Variants in COPG2 observed in about 807,000 individuals in gnomAD.
COPG2 encodes coat protein complex I subunit gamma 2.
Under a neutral mutation model 46.3 loss-of-function variants are expected in COPG2, and 37 were observed. The observed-to-expected ratio is 0.80, with a 90% CI of 0.61 to 1.05. The LOEUF is 1.05. COPG2 is among the 50% of genes least tolerant of loss of function. The pLI, the probability that COPG2 is intolerant of heterozygous loss-of-function variation, is 0.00. For missense variants in COPG2, 427 were observed against 387.8 expected, an observed-to-expected ratio of 1.10 and a Z score of -0.85; for synonymous variants, 159 against 129.7, an observed-to-expected ratio of 1.23 and a Z score of -1.53.
At chr7:130,551,170 T>G (rs1793530578) in intron 16 of COPG2, 71 bp downstream of exon 16, 2 of 397,416 alleles carry the variant, frequency 5.0e-6, no homozygotes, top group East Asian at 7.1e-5. Flanking sequence ...TTAGCTCATA[T>G]GCAAATCATA....
chr7:130,640,944 T>C (rs1438046202), intron 5 of COPG2, among the ~76,000 whole-genome samples: 1 of 152,030 alleles, frequency 6.6e-6, no homozygotes, highest in Non-Finnish European at 1.5e-5. Flanking sequence ...TGTTTCTTTC[T>C]CTCAAAGAAT....
chr7:130,585,500 G>A (rs1794248220), intron 9 of COPG2, among the ~76,000 whole-genome samples: 1 of 152,004 alleles, frequency 6.6e-6, no homozygotes, highest in South Asian at 2.1e-4. Flanking sequence ...CTTTTGCACG[G>A]CAAAAGGAAC....
intron 9 of COPG2, among the ~76,000 whole-genome samples, chr7:130,591,514 G>T (rs1440905936): frequency 9.5e-6 from 1 of 104,866 alleles, no homozygotes; most frequent in Non-Finnish European, 2.0e-5. Flanking sequence ...CCCCATCCGG[G>T]AGGTGAGGGG....
chr7:130,569,064 G>C (rs1409791809), intron 9 of COPG2, among the ~76,000 whole-genome samples: 1 of 152,060 alleles, frequency 6.6e-6, no homozygotes, highest in Non-Finnish European at 1.5e-5. Flanking sequence ...GGTGCTAAGA[G>C]GAAAGTTCAT....
chr7:130,583,762 G>A (rs560922586), intron 9 of COPG2, among the ~76,000 whole-genome samples: 148 of 127,478 alleles, frequency 1.2e-3, no homozygotes, highest in African/African-American at 3.9e-3. Context: ...AGCCAAGATC[G>A]CGCCACTGCA....
At chr7:130,531,784 A>G (rs894188199) in intron 20 of COPG2, among the ~76,000 whole-genome samples, 1 of 120,632 alleles carries the variant, frequency 8.3e-6, no homozygotes, top group South Asian at 2.7e-4. Flanking sequence ...CAGGGAACCA[A>G]GGTGGTCGCA....
chr7:130,529,507 G>C (rs919934052), intron 20 of COPG2, among the ~76,000 whole-genome samples: 1 of 152,168 alleles, frequency 6.6e-6, no homozygotes, highest in Admixed American at 6.5e-5. Flanking sequence ...AAGGGGCCAA[G>C]TGAATAGAGG....
intron 17 of COPG2, among the ~76,000 whole-genome samples, chr7:130,549,624 T>G (rs1293566728): frequency 6.6e-6 from 1 of 152,182 alleles, no homozygotes; most frequent in Admixed American, 6.5e-5. Context: ...TGGACTGGAA[T>G]GTACAAAAAT....
intron 7 of COPG2, among the ~76,000 whole-genome samples, chr7:130,613,140 G>GC (rs781972605): frequency 3.3e-5 from 5 of 152,196 alleles, no homozygotes; most frequent in South Asian, 2.1e-4. Flanking sequence ...CAGAGGGATA[G>GC]TTTTTGGATG....
chr7:130,655,038 A>G (rs1216794918), intron 4 of COPG2, among the ~76,000 whole-genome samples: 1 of 151,962 alleles, frequency 6.6e-6, no homozygotes, highest in Non-Finnish European at 1.5e-5. Flanking sequence ...TAGTTGTTTT[A>G]ATGACATCAT....
chr7:130,593,055 C>A, intron 9 of COPG2, among the ~76,000 whole-genome samples: 1 of 152,244 alleles, frequency 6.6e-6, no homozygotes, highest in East Asian at 1.9e-4. Flanking sequence ...TATAAGTTTT[C>A]CTCCAATGAA....
chr7:130,642,295 ATAT>A (rs1795507377), intron 5 of COPG2, among the ~76,000 whole-genome samples: 1 of 152,118 alleles, frequency 6.6e-6, no homozygotes, highest in African/African-American at 2.4e-5. Flanking sequence ...GACAACTGAA[ATAT>A]TATGCTAAAT....
At position 130,590,989 on chromosome 7, in the gene COPG2, C is replaced by T. The variant is rs587681423; in HGVS notation, c.737+19964G>A. 2.9e-3 allele frequency among the ~76,000 whole-genome samples: 431 copies of T among 150,844 alleles called. 1 individual carries two copies. The highest frequency in any genetic ancestry group is 8.9e-3 in the African/African-American group (366 of 41,154). On this transcript the variant is annotated intron_variant, in intron 9 of 23. Coordinates refer to ENST00000425248, the MANE Select transcript of COPG2 (RefSeq NM_012133.6). ...GAGCCCCTCCGCCCGGCAGCCACCC[C>T]GTCTGGGAAGTGAGGAGCGTCTCTG...
intron 20 of COPG2, among the ~76,000 whole-genome samples, chr7:130,510,484 G>A (rs1159524959): frequency 2.0e-5 from 3 of 152,158 alleles, no homozygotes; most frequent in Non-Finnish European, 4.4e-5. Context: ...GAAGAGTCAG[G>A]AGAGACATTA....
chr7:130,548,151 T>A (rs1399617924), intron 19 of COPG2, among the ~76,000 whole-genome samples: 1 of 152,234 alleles, frequency 6.6e-6, no homozygotes, highest in African/African-American at 2.4e-5. Context: ...AATGCTGATT[T>A]TAGAAAATTG....
At chr7:130,637,717 T>A (rs1563067319) in intron 5 of COPG2, among the ~76,000 whole-genome samples, 1 of 152,252 alleles carries the variant, frequency 6.6e-6, no homozygotes. Context: ...CTCTGAAGCC[T>A]ACTTCTGCCA....
chr7:130,511,703 G>C, intron 20 of COPG2: 1 of 514,186 alleles, frequency 1.9e-6, no homozygotes, highest in Non-Finnish European at 3.9e-6. Context: ...ATTACATAAG[G>C]AAGGGCCTAC....
intron 20 of COPG2, among the ~76,000 whole-genome samples, chr7:130,543,337 T>C: frequency 6.6e-6 from 1 of 152,324 alleles, no homozygotes; most frequent in Non-Finnish European, 1.5e-5. Flanking sequence ...GTGGGTATTG[T>C]TGCCCCTTGA....
chr7:130,526,051 A>G (rs1799771394), intron 20 of COPG2, among the ~76,000 whole-genome samples: 1 of 152,014 alleles, frequency 6.6e-6, no homozygotes, highest in Non-Finnish European at 1.5e-5. Context: ...AAATGGAAAT[A>G]AAGGAGGTGA....
Sources: gnomAD v4.1 joint callset for allele counts (sites outside exome capture counted in the v4.1 genomes callset) on GRCh38, gnomAD v4.1.1 for gene constraint, MANE v1.5 for transcripts, NCBI Gene and HGNC (gene_info 2026-07-23, HGNC 2026-07-21) for gene names.